Variants in ERBB4 observed in about 807,000 individuals in gnomAD.
ERBB4 encodes receptor tyrosine-protein kinase erbB-4.
Under a neutral mutation model 158.0 loss-of-function variants are expected in ERBB4, and 42 were observed. That is an observed-to-expected ratio of 0.27 (90% CI 0.21 to 0.34). ERBB4 has a LOEUF of 0.34. ERBB4 is among the 10% of genes least tolerant of loss of function. The pLI is 1.00. For synonymous variants in ERBB4, 583 were observed against 558.7 expected (o/e 1.04, Z -0.61); for missense variants, 1,333 against 1,624.1 (o/e 0.82, Z 3.08).
At chr2:212,046,105 AT>A (rs1021292597) in intron 2 of ERBB4, among the ~76,000 whole-genome samples, 29 of 152,190 alleles carry the variant, frequency 1.9e-4, no homozygotes, top group Non-Finnish European at 3.4e-4. Flanking sequence ...ATCCATGTTA[AT>A]TTTTTTCAGA....
intron 2 of ERBB4, among the ~76,000 whole-genome samples, chr2:212,103,225 C>G (rs755991100): frequency 6.6e-6 from 1 of 152,052 alleles, no homozygotes; most frequent in Non-Finnish European, 1.5e-5. Context: ...GCATTTGTTA[C>G]TTTCTTCTTC....
chr2:212,507,099 C>T (rs914463679), intron 1 of ERBB4, among the ~76,000 whole-genome samples: 5 of 152,114 alleles, frequency 3.3e-5, no homozygotes, highest in African/African-American at 9.7e-5. Flanking sequence ...CCTAAATCTA[C>T]TCTGCCTGTG....
chr2:212,522,496 G>A (rs539229964), intron 1 of ERBB4, among the ~76,000 whole-genome samples: 10 of 152,018 alleles, frequency 6.6e-5, no homozygotes, highest in African/African-American at 9.6e-5. Flanking sequence ...TGGAGATATC[G>A]AGCAGGCAGT....
intron 6 of ERBB4, among the ~76,000 whole-genome samples, chr2:211,723,089 C>G (rs564520331): frequency 6.6e-6 from 1 of 152,158 alleles, no homozygotes; most frequent in Non-Finnish European, 1.5e-5. Context: ...AGGTAATTAG[C>G]TACAGTTGGC....
intron 20 of ERBB4, among the ~76,000 whole-genome samples, chr2:211,528,039 A>T (rs1353338658): frequency 6.6e-6 from 1 of 152,048 alleles, no homozygotes; most frequent in East Asian, 1.9e-4. Flanking sequence ...TAAAAGGACT[A>T]AACTCTCCAA....
intron 2 of ERBB4, among the ~76,000 whole-genome samples, chr2:211,979,069 G>A (rs908403691): frequency 5.3e-5 from 8 of 152,084 alleles, no homozygotes; most frequent in African/African-American, 1.2e-4. Flanking sequence ...CAGTAGCAAC[G>A]TAGATGCTCA....
At chr2:212,132,689 T>C (rs771042781) in intron 1 of ERBB4, among the ~76,000 whole-genome samples, 8 of 152,106 alleles carry the variant, frequency 5.3e-5, no homozygotes, top group South Asian at 2.1e-4. Context: ...TTTGGGTCTC[T>C]AGCTTGCAGA....
chr2:211,569,760 G>T (rs778830576), intron 19 of ERBB4, among the ~76,000 whole-genome samples: 8 of 152,230 alleles, frequency 5.3e-5, no homozygotes, highest in Non-Finnish European at 7.3e-5. Flanking sequence ...CTAATGGCAT[G>T]AGATGGGATT....
At chr2:212,315,079 GTT>G (rs2106247900) in intron 1 of ERBB4, among the ~76,000 whole-genome samples, 1 of 151,444 alleles carries the variant, frequency 6.6e-6, no homozygotes, top group South Asian at 2.1e-4. Flanking sequence ...AAACAGATAA[GTT>G]TTAAGTACTG....
At chr2:212,404,707 T>G (rs534809649) in intron 1 of ERBB4, among the ~76,000 whole-genome samples, 2 of 152,064 alleles carry the variant, frequency 1.3e-5, no homozygotes, top group East Asian at 3.9e-4. Flanking sequence ...ATAAGTCAAC[T>G]CGTGTCACAG....
chr2:212,538,216 G>A (rs980432058), intron 1 of ERBB4, among the ~76,000 whole-genome samples: 1 of 149,620 alleles, frequency 6.7e-6, no homozygotes, highest in Admixed American at 6.6e-5. Context: ...AAAGCAGGGG[G>A]TTAAGGAGAG....
chr2:211,799,656 C>T (rs1379848584), intron 3 of ERBB4, among the ~76,000 whole-genome samples: 1 of 152,060 alleles, frequency 6.6e-6, no homozygotes, highest in Non-Finnish European at 1.5e-5. Context: ...GTTCTCTTCT[C>T]TATAAAATGG....
chr2:212,315,195 A>G (rs892949733), intron 1 of ERBB4, among the ~76,000 whole-genome samples: 4 of 151,422 alleles, frequency 2.6e-5, no homozygotes, highest in African/African-American at 9.7e-5. Context: ...CAAAAATATA[A>G]AAGTATAATA....
intron 1 of ERBB4, among the ~76,000 whole-genome samples, chr2:212,303,681 C>T (rs2086704305): frequency 6.6e-6 from 1 of 151,396 alleles, no homozygotes; most frequent in Non-Finnish European, 1.5e-5. Flanking sequence ...TTTGATGAGT[C>T]CAAATCAAGT....
intron 2 of ERBB4, among the ~76,000 whole-genome samples, chr2:212,098,044 T>C (rs2078980052): frequency 6.6e-6 from 1 of 151,894 alleles, no homozygotes; most frequent in Non-Finnish European, 1.5e-5. Context: ...AAATAGACAA[T>C]AGAGAAAGAG....
chr2:212,495,349 G>T (rs9283525), intron 1 of ERBB4, among the ~76,000 whole-genome samples: 29,965 of 152,028 alleles, frequency 0.2, 3,352 homozygotes, highest in African/African-American at 0.29. Context: ...GAATCACTTA[G>T]TTGTGTCAGA....
intron 2 of ERBB4, among the ~76,000 whole-genome samples, chr2:212,022,876 G>C (rs1039875521): frequency 2.6e-5 from 4 of 152,056 alleles, no homozygotes; most frequent in Admixed American, 2.6e-4. Context: ...ATTCATCTTA[G>C]TGAGGATTTA....
chr2:212,083,947 A>G (rs940219432), intron 2 of ERBB4, among the ~76,000 whole-genome samples: 1 of 150,022 alleles, frequency 6.7e-6, no homozygotes, highest in African/African-American at 2.4e-5. Flanking sequence ...AAGATCCACT[A>G]CAACCTGCCT....
intron 4 of ERBB4, among the ~76,000 whole-genome samples, chr2:211,784,938 C>T (rs1213020536): frequency 1.3e-5 from 2 of 152,032 alleles, no homozygotes; most frequent in East Asian, 3.9e-4. Flanking sequence ...ATCTTTTGCT[C>T]ACTTTTTCAT....
Sources: allele counts gnomAD v4.1 joint callset (sites outside exome capture counted in the v4.1 genomes callset), GRCh38; gene constraint gnomAD v4.1.1; transcripts MANE v1.5; gene names NCBI Gene and HGNC (gene_info 2026-07-23, HGNC 2026-07-21).